Variants in RPL4 observed in about 807,000 individuals in gnomAD.
RPL4 encodes large ribosomal subunit protein uL4.
In RPL4, 3 loss-of-function variants were observed where a neutral mutation model predicts 47.7. The ratio of observed to expected loss-of-function variants is 0.06; its 90% confidence interval spans 0.03 to 0.16. The LOEUF (loss-of-function observed/expected upper bound fraction) is 0.16, where lower values mean the gene tolerates loss of function less well. RPL4 is among the 10% of genes least tolerant of loss of function. The pLI, the probability that RPL4 is intolerant of heterozygous loss-of-function variation, is 1.00. For synonymous variants in RPL4, 208 were observed against 182.1 expected, an observed-to-expected ratio of 1.14 and a Z score of -1.15; for missense variants, 413 against 551.3, an observed-to-expected ratio of 0.75 and a Z score of 2.51.
At chr15:66,504,643 C>T in intron 1 of RPL4, 145 bp downstream of exon 1, 3 of 1,204,682 alleles carry the variant, frequency 2.5e-6, no homozygotes, top group East Asian at 2.6e-5. Flanking sequence ...CCGCACATCC[C>T]AGTTCCACAC....
rs376751391 is a variant in RPL4, at chr15:66,499,241, G to A, written c.*166C>T. 10 of 769,112 alleles carry A rather than the reference G, an allele frequency of 1.3e-5. No individual in the cohort carries two copies. The highest frequency in any genetic ancestry group is 5.0e-5 in the East Asian group (2 of 39,654). The allele number at this position is 769,112 out of a possible 1,614,324, so 47.6% of individuals were successfully genotyped here. Reference sequence around the variant, plus strand: ...CATTTTATACCACACTATATAAAATGTAACAGTCTAAATTATGGCCAACAA... The same window carrying A: ...CATTTTATACCACACTATATAAAATATAACAGTCTAAATTATGGCCAACAA... On this transcript the variant is annotated 3_prime_UTR_variant, in exon 10 of 10. Transcript: ENST00000307961.
Position 66,503,527 on chromosome 15 carries a change from C to T in RPL4, c.6G>A (p.Ala2=), listed in dbSNP as rs756894682. The change falls in exon 2 of 10, where the codon GCG becomes GCA. Residue 2 remains alanine, a splice_region_variant and synonymous_variant. Coordinates refer to ENST00000307961, the MANE Select transcript of RPL4 (RefSeq NM_000968.4). Reference sequence around the variant, plus strand: ...ACACCGATATCAGTGGGCGAGCACACGCCTAAAGAAAAAGACAAGGATTAT... The same window carrying T: ...ACACCGATATCAGTGGGCGAGCACATGCCTAAAGAAAAAGACAAGGATTAT... M[A]CARPLISVYS... 2.7e-5 allele frequency: 42 copies of T among 1,581,594 alleles called. No individual in the cohort carries two copies. The South Asian group carries it at 3.4e-4, about 13-fold the overall frequency.
At position 66,499,225 on chromosome 15, in the gene RPL4, C is replaced by T. The variant is rs75457850; in HGVS notation, c.*182G>A. 1 of 673,228 alleles carries T rather than the reference C, an allele frequency of 1.5e-6. No individual in the cohort carries two copies. 41.7% of individuals were successfully genotyped at this position (673,228 alleles called of 1,614,324 possible). ...GTATAAATCCATGCCCCATTTTATA[C>T]CACACTATATAAAATGTAACAGTCT... On this transcript the variant is annotated 3_prime_UTR_variant, in exon 10 of 10. Coordinates refer to ENST00000307961, the MANE Select transcript of RPL4 (RefSeq NM_000968.4).
At chr15:66,500,024 A>C in intron 9 of RPL4, 32 bp downstream of exon 9, 1 of 1,611,066 alleles carries the variant, frequency 6.2e-7, no homozygotes, top group East Asian at 2.2e-5. Flanking sequence ...TTCCGACTCA[A>C]AAACAAACAA....
intron 5 of RPL4, 35 bp downstream of exon 5, chr15:66,501,753 G>A (rs772808441): frequency 4.4e-6 from 7 of 1,602,590 alleles, no homozygotes; most frequent in Non-Finnish European, 5.1e-6. Context: ...TGTGAACAAG[G>A]AGTACCAAAC....
chr15:66,504,231 T>C (rs756479760), intron 1 of RPL4, among the ~76,000 whole-genome samples: 13 of 152,160 alleles, frequency 8.5e-5, no homozygotes, highest in Admixed American at 1.3e-4. Context: ...CTTACTACCA[T>C]AGAATATTAC....
intron 7 of RPL4, 54 bp from the exon 8 acceptor site, chr15:66,500,430 G>A (rs1893587257): frequency 1.4e-6 from 2 of 1,463,666 alleles, no homozygotes; most frequent in African/African-American, 1.4e-5. Context: ...CAAAGAACAG[G>A]AAGCTCAACT....
chr15:66,502,283 G>C (rs1052078131), intron 4 of RPL4: 2 of 379,974 alleles, frequency 5.3e-6, no homozygotes, highest in Non-Finnish European at 9.6e-6. Flanking sequence ...AGAATGAAAA[G>C]AATGTGCAAT....
chr15:66,501,754 A>G (rs762530002), intron 5 of RPL4, 34 bp downstream of exon 5: 2 of 1,602,728 alleles, frequency 1.2e-6, no homozygotes, highest in South Asian at 2.2e-5. Context: ...GTGAACAAGG[A>G]GTACCAAACT....
At position 66,500,995 on chromosome 15, in the gene RPL4, A is replaced by G. The variant is rs567293136; in HGVS notation, c.787T>C (p.Leu263=). Residue 263 remains leucine, a synonymous_variant, in exon 7 of 10, where the codon TTG becomes CTG. Coordinates refer to ENST00000307961, the MANE Select transcript of RPL4 (RefSeq NM_000968.4). The stretch of plus-strand genomic sequence containing the variant: ...GCGGCTTTACGCCAAGTGCCGTACA[A>G]TTCATCTAACTTCCGGAAAGCACTT... ...TESAFRKLDE[L]YGTWRKAASL... 197 of 1,614,000 alleles carry G rather than the reference A, an allele frequency of 1.2e-4. No homozygotes were observed. The South Asian group carries it at 2.0e-3, about 17-fold the overall frequency.
chr15:66,501,564 G>A, intron 5 of RPL4, 60 bp from the exon 6 acceptor site: 2 of 1,600,870 alleles, frequency 1.2e-6, no homozygotes, highest in Non-Finnish European at 1.7e-6. Flanking sequence ...TAGATCTTCA[G>A]AGTTTTAATT....
chr15:66,504,539 T>C (rs1202193523), intron 1 of RPL4, among the ~76,000 whole-genome samples: 1 of 151,678 alleles, frequency 6.6e-6, no homozygotes, highest in African/African-American at 2.4e-5. Context: ...AAGGTCCCAC[T>C]GCTCCTGAGA....
chr15:66,498,205 G>A lies in RPL4; in HGVS notation c.*1202C>T, dbSNP rs1402317977. 4 of 165,746 alleles carry A rather than the reference G, an allele frequency of 2.4e-5. No individual in the cohort carries two copies. Among genetic ancestry groups the A allele is most frequent in the African/African-American group, 7.2e-5 (3 of 41,808 alleles). 10.3% of individuals were successfully genotyped at this position (165,746 alleles called of 1,614,324 possible). A position where few individuals can be genotyped will look rare whatever the true frequency, so the allele number is the denominator to read the frequency against. ...TAGCACATGAACTCTACTGTGTTAA[G>A]AGGCCCTGCAGGGTAGGACTCACAG... On this transcript the variant is annotated 3_prime_UTR_variant, in exon 10 of 10. Transcript: ENST00000307961.
chr15:66,500,107 G>A lies in RPL4; in HGVS notation c.987C>T (p.Asn329=). The A allele has an allele frequency of 1.9e-6, 3 of 1,612,712 alleles. No individual in the cohort carries two copies. Among genetic ancestry groups the A allele is most frequent in the Non-Finnish European group, 1.7e-6 (2 of 1,179,878 alleles). Residue 329 remains asparagine, a synonymous_variant, in exon 9 of 10, where the codon AAC becomes AAT. Transcript: ENST00000307961. ...TCCGGCGCATGGTCTTTGCATATGG[G>A]TTTAGCTTCAACATGATTCTCAAGT... ...LKNLRIMLKL[N]PYAKTMRRNT...
chr15:66,502,236 G>C, intron 4 of RPL4: 1 of 404,850 alleles, frequency 2.5e-6, no homozygotes, highest in Non-Finnish European at 4.5e-6. Context: ...GTCAGACCTA[G>C]TATTTAGTAA....
chr15:66,503,297 G>T (rs376180626), intron 2 of RPL4, 61 bp downstream of exon 2: 3 of 1,599,482 alleles, frequency 1.9e-6, no homozygotes, highest in Non-Finnish European at 2.6e-6. Flanking sequence ...CCAATGAAGT[G>T]GAATTTCATC....
chr15:66,502,976 C>T (rs887134150), intron 3 of RPL4, 82 bp downstream of exon 3: 9 of 1,381,870 alleles, frequency 6.5e-6, no homozygotes, highest in Non-Finnish European at 9.3e-6. Flanking sequence ...TATTTTTACA[C>T]CGTATTATCA....
rs745849000 is a variant in RPL4 at position 66,501,448 on chromosome 15, A to C, written c.603T>G (p.Arg201=). 1 of 1,614,182 alleles carries C rather than the reference A, an allele frequency of 6.2e-7. No homozygotes were observed. Among genetic ancestry groups the C allele is most frequent in the Non-Finnish European group, 8.5e-7 (1 of 1,180,040 alleles). The part of the protein sequence containing the change: ...AGKGKMRNRR[R]IQRRGPCIIY... ...TGATGCACGGGCCCCTGCGCTGGAT[A>C]CGGCGACGGTTTCTCATTTTGCCTT... The change falls in exon 6 of 10, where the codon CGT becomes CGG. Residue 201 remains arginine, a synonymous_variant. Transcript: ENST00000307961.
At chr15:66,503,219 T>C (rs561477032) in intron 2 of RPL4, 55 bp from the exon 3 acceptor site, 2 of 1,590,700 alleles carry the variant, frequency 1.3e-6, no homozygotes, top group African/African-American at 1.3e-5. Context: ...TACCAACCCA[T>C]GACTATTATG....
Sources: gnomAD v4.1 joint callset for allele counts (sites outside exome capture counted in the v4.1 genomes callset) on GRCh38, gnomAD v4.1.1 for gene constraint, MANE v1.5 for transcripts, NCBI Gene and HGNC (gene_info 2026-07-23, HGNC 2026-07-21) for gene names.